The following ADAM10 variants were observed in gnomAD, a reference collection of about 807,000 sequenced individuals.
ADAM10 encodes the protein disintegrin and metalloproteinase domain-containing protein 10.
Under a neutral mutation model 90.1 loss-of-function variants are expected in ADAM10, and 17 were observed. The ratio of observed to expected loss-of-function variants is 0.19; its 90% CI spans 0.13 to 0.28. The LOEUF is 0.28. Ranked by LOEUF, ADAM10 falls within the 10% of genes least tolerant of loss-of-function variation. The pLI is 1.00. For synonymous variants in ADAM10, 310 were observed against 298.6 expected (o/e 1.04, Z -0.40); for missense variants, 610 against 914.3 (o/e 0.67, Z 4.29).
chr15:58,656,814 T>G (rs1156239153), intron 5 of ADAM10, among the ~76,000 whole-genome samples: 1 of 152,240 alleles, frequency 6.6e-6, no homozygotes, highest in Admixed American at 6.5e-5. Context: ...AATTTCTTAT[T>G]GCTCATTCAC....
At chr15:58,735,027 T>C (rs74017297) in intron 1 of ADAM10, among the ~76,000 whole-genome samples, 7,598 of 152,226 alleles carry the variant, frequency 0.05, 651 homozygotes, top group African/African-American at 0.17. Context: ...TGAGATTTAT[T>C]TCTAAACTTT....
intron 4 of ADAM10, among the ~76,000 whole-genome samples, chr15:58,670,300 T>C (rs577354754): frequency 9.9e-5 from 15 of 152,196 alleles, no homozygotes; most frequent in African/African-American, 1.4e-4. Flanking sequence ...TTTATAGGTG[T>C]AAGAGTATAA....
intron 5 of ADAM10, among the ~76,000 whole-genome samples, chr15:58,646,532 C>G (rs1483027431): frequency 6.6e-6 from 1 of 152,160 alleles, no homozygotes; most frequent in African/African-American, 2.4e-5. Context: ...CATCTACCAT[C>G]CAGTTCTGTC....
chr15:58,660,502 G>C (rs1442347389), intron 5 of ADAM10, among the ~76,000 whole-genome samples: 3 of 150,818 alleles, frequency 2.0e-5, no homozygotes, highest in African/African-American at 4.9e-5. Flanking sequence ...AAAAAAAATT[G>C]AGACAGGGTC....
chr15:58,591,506 T>TC lies in ADAM10; in HGVS notation c.*6040dup, dbSNP rs1318722487. The TC allele has an allele frequency of 1.3e-5, 2 of 152,118 alleles. No homozygotes were observed. Among genetic ancestry groups the TC allele is most frequent in the Non-Finnish European group, 2.9e-5 (2 of 68,024 alleles). 9.4% of individuals were successfully genotyped at this position (152,118 alleles called of 1,614,324 possible). A position where few individuals can be genotyped will look rare whatever the true frequency, so the allele number is the denominator to read the frequency against. On this transcript the variant is annotated 3_prime_UTR_variant, in exon 16 of 16. Transcript: ENST00000260408. ...TCTAACTCCTGAGCTCAAGTGATCC[T>TC]CCCACCTTGGCCTCCCAAAGTGTTG...
At chr15:58,632,249 T>C (rs749518096) in intron 9 of ADAM10, among the ~76,000 whole-genome samples, 2 of 152,220 alleles carry the variant, frequency 1.3e-5, no homozygotes, top group Non-Finnish European at 2.9e-5. Flanking sequence ...ATATCAAAGA[T>C]CGCTGTTAAT....
intron 4 of ADAM10, among the ~76,000 whole-genome samples, chr15:58,677,763 T>C (rs1314445680): frequency 6.6e-6 from 1 of 152,182 alleles, no homozygotes; most frequent in African/African-American, 2.4e-5. Context: ...TTGATTTTGA[T>C]AAAACATTCT....
chr15:58,718,776 T>C (rs1898749058), intron 1 of ADAM10, among the ~76,000 whole-genome samples: 6 of 152,206 alleles, frequency 3.9e-5, no homozygotes, highest in Admixed American at 3.9e-4. Context: ...TGGAAGCCTC[T>C]GCAGATCTCA....
chr15:58,695,471 TATC>T (rs761622305), intron 2 of ADAM10, among the ~76,000 whole-genome samples: 5 of 152,178 alleles, frequency 3.3e-5, no homozygotes, highest in African/African-American at 4.8e-5. Context: ...GAAAAATCAT[TATC>T]ATATTTACAC....
At chr15:58,620,015 C>A (rs1227888340) in intron 11 of ADAM10, among the ~76,000 whole-genome samples, 1 of 151,912 alleles carries the variant, frequency 6.6e-6, no homozygotes, top group African/African-American at 2.4e-5. Flanking sequence ...CATTCTTGCC[C>A]TGTTCACCTT....
chr15:58,698,549 C>A, intron 2 of ADAM10: 2 of 153,782 alleles, frequency 1.3e-5, no homozygotes, highest in South Asian at 1.7e-4. Context: ...GTACTCTAGC[C>A]TGGGCAACAG....
intron 4 of ADAM10, among the ~76,000 whole-genome samples, chr15:58,670,725 C>T (rs1274688866): frequency 6.6e-5 from 10 of 152,022 alleles, no homozygotes; most frequent in African/African-American, 2.4e-4. Context: ...TACAAGAATA[C>T]TTAATTTACT....
At chr15:58,608,603 C>A (rs751842856) in intron 14 of ADAM10, among the ~76,000 whole-genome samples, 8 of 152,152 alleles carry the variant, frequency 5.3e-5, no homozygotes, top group Non-Finnish European at 8.8e-5. Context: ...CACTTAAAGT[C>A]AACGTCTATG....
chr15:58,742,660 A>C (rs1448595976), intron 1 of ADAM10, among the ~76,000 whole-genome samples: 2 of 152,172 alleles, frequency 1.3e-5, no homozygotes, highest in Non-Finnish European at 2.9e-5. Flanking sequence ...CCCTTACAGG[A>C]ATCCAAGTGG....
intron 1 of ADAM10, among the ~76,000 whole-genome samples, chr15:58,730,204 T>C (rs187568892): frequency 1.1e-3 from 174 of 152,304 alleles, no homozygotes; most frequent in African/African-American, 3.8e-3. Flanking sequence ...TTAATAGGGA[T>C]AGGTACACCA....
At chr15:58,703,310 A>AAC (rs1420443728) in intron 2 of ADAM10, among the ~76,000 whole-genome samples, 2 of 151,560 alleles carry the variant, frequency 1.3e-5, no homozygotes, top group South Asian at 2.1e-4. Flanking sequence ...AAAAAAAAAA[A>AAC]ACACACAGAA....
chr15:58,644,148 G>C (rs1165318625), intron 6 of ADAM10, among the ~76,000 whole-genome samples, 170 bp from the exon 7 acceptor site: 1 of 151,124 alleles, frequency 6.6e-6, no homozygotes, highest in East Asian at 1.9e-4. Context: ...GCTGCGCTGG[G>C]AAGGGAGATT....
intron 2 of ADAM10, 69 bp downstream of exon 2, chr15:58,717,508 T>C (rs2140815977): frequency 6.3e-7 from 1 of 1,596,136 alleles, no homozygotes; most frequent in South Asian, 1.1e-5. Flanking sequence ...ATTAAGGATA[T>C]AAATCTCCTC....
At chr15:58,743,406 A>G (rs539393223) in intron 1 of ADAM10, among the ~76,000 whole-genome samples, 1 of 152,228 alleles carries the variant, frequency 6.6e-6, no homozygotes, top group Non-Finnish European at 1.5e-5. Context: ...CTTCCAAAAC[A>G]ATGCCCCAAC....
Sources: allele counts gnomAD v4.1 joint callset (sites outside exome capture counted in the v4.1 genomes callset), GRCh38; gene constraint gnomAD v4.1.1; transcripts MANE v1.5; gene names NCBI Gene and HGNC (gene_info 2026-07-23, HGNC 2026-07-21).